Variants in HS3ST5 observed in about 807,000 individuals in gnomAD.
HS3ST5 encodes heparan sulfate glucosamine 3-O-sulfotransferase 5.
HS3ST5 carries 10 observed loss-of-function variants against 25.4 expected under a neutral mutation model. That is an observed-to-expected ratio of 0.39 (90% CI 0.24 to 0.67). HS3ST5 has a LOEUF of 0.67. Ranked by LOEUF, HS3ST5 falls within the 30% of genes least tolerant of loss-of-function variation. The pLI is 0.44. For missense variants in HS3ST5, 324 were observed against 420.7 expected (o/e 0.77, Z 2.01); for synonymous variants, 170 against 162.4 (o/e 1.05, Z -0.36).
intron 1 of HS3ST5, among the ~76,000 whole-genome samples, chr6:114,328,214 AAAGGAAGGAAAG>A (rs1343976853): frequency 2.6e-5 from 4 of 152,106 alleles, no homozygotes; most frequent in Non-Finnish European, 5.9e-5. Flanking sequence ...AGAAGTGAAA[AAAGGAAGGAAAG>A]AAGGAAAGAA....
At chr6:114,123,954 T>C (rs1320560633) in intron 3 of HS3ST5, among the ~76,000 whole-genome samples, 2 of 152,214 alleles carry the variant, frequency 1.3e-5, no homozygotes, top group East Asian at 3.8e-4. Context: ...GGATACCAGC[T>C]CTTTCACTGA....
chr6:114,334,020 G>C (rs1307847996), intron 1 of HS3ST5, among the ~76,000 whole-genome samples: 1 of 152,128 alleles, frequency 6.6e-6, no homozygotes, highest in Middle Eastern at 3.2e-3. Context: ...AGTTTCCCCA[G>C]GTCCTCCTGT....
chr6:114,099,838 C>T (rs1301264480), intron 3 of HS3ST5, among the ~76,000 whole-genome samples: 1 of 152,104 alleles, frequency 6.6e-6, no homozygotes, highest in Non-Finnish European at 1.5e-5. Context: ...GAAATCCCCA[C>T]AGATATGACC....
chr6:114,214,280 C>A (rs1318663619), intron 2 of HS3ST5, among the ~76,000 whole-genome samples: 3 of 152,176 alleles, frequency 2.0e-5, no homozygotes, highest in African/African-American at 7.2e-5. Flanking sequence ...TAACTTTTAA[C>A]TAAACATTCC....
intron 1 of HS3ST5, among the ~76,000 whole-genome samples, chr6:114,318,575 C>T (rs1361153365): frequency 6.6e-6 from 1 of 152,150 alleles, no homozygotes; most frequent in Non-Finnish European, 1.5e-5. Context: ...AATCTGTTCT[C>T]TTAAATTGCT....
At chr6:114,224,593 T>C (rs1358260014) in intron 2 of HS3ST5, among the ~76,000 whole-genome samples, 2 of 151,338 alleles carry the variant, frequency 1.3e-5, no homozygotes, top group Non-Finnish European at 3.0e-5. Context: ...TGCTTATACT[T>C]CTATAGTTTG....
At chr6:114,195,115 G>A (rs903166795) in intron 2 of HS3ST5, among the ~76,000 whole-genome samples, 1 of 152,170 alleles carries the variant, frequency 6.6e-6, no homozygotes, top group African/African-American at 2.4e-5. Flanking sequence ...AGAGTTTCAA[G>A]TCATTATTAA....
chr6:114,180,499 G>A (rs1233408684), intron 2 of HS3ST5, among the ~76,000 whole-genome samples: 1 of 152,112 alleles, frequency 6.6e-6, no homozygotes, highest in Non-Finnish European at 1.5e-5. Flanking sequence ...TACACCAGTG[G>A]TAGCTAGGGG....
intron 3 of HS3ST5, among the ~76,000 whole-genome samples, chr6:114,093,716 A>G (rs1775269905): frequency 6.6e-6 from 1 of 152,222 alleles, no homozygotes; most frequent in Middle Eastern, 3.4e-3. Context: ...TGGACAACCC[A>G]AGCTGGAACT....
At chr6:114,236,201 G>T (rs1246342361) in intron 1 of HS3ST5, among the ~76,000 whole-genome samples, 1 of 152,128 alleles carries the variant, frequency 6.6e-6, no homozygotes, top group Non-Finnish European at 1.5e-5. Flanking sequence ...CTAAAAAAGT[G>T]CTCATTAAGA....
At chr6:114,202,469 G>A (rs917717978) in intron 2 of HS3ST5, among the ~76,000 whole-genome samples, 3 of 152,144 alleles carry the variant, frequency 2.0e-5, no homozygotes, top group Non-Finnish European at 4.4e-5. Flanking sequence ...AGTGCCCAGA[G>A]AGTTCCTGTT....
At chr6:114,146,983 A>C (rs1288468043) in intron 3 of HS3ST5, among the ~76,000 whole-genome samples, 2 of 152,234 alleles carry the variant, frequency 1.3e-5, no homozygotes, top group Non-Finnish European at 2.9e-5. Context: ...TACACTGAGC[A>C]GCAGGCTTTC....
chr6:114,168,168 G>C (rs1779306047), intron 3 of HS3ST5, among the ~76,000 whole-genome samples, 183 bp downstream of exon 3: 1 of 152,176 alleles, frequency 6.6e-6, no homozygotes, highest in African/African-American at 2.4e-5. Flanking sequence ...GCAGGAAGCA[G>C]TTTAAAGTGA....
intron 2 of HS3ST5, among the ~76,000 whole-genome samples, chr6:114,200,273 C>A (rs1452805161): frequency 6.6e-6 from 1 of 152,136 alleles, no homozygotes; most frequent in East Asian, 1.9e-4. Context: ...TGGTTAAAGA[C>A]AATAAGCAAA....
Position 114,202,527 on chromosome 6 carries a change from T to C in HS3ST5, c.-145+26058A>G, listed in dbSNP as rs915850931. On this transcript the variant is annotated intron_variant, in intron 2 of 4. Transcript: ENST00000312719. ...TTTGAACAAATTAAACAAGTGGAGT[T>C]TGAAACTAGCAGCAGGTGAGACTAG... Among the ~76,000 whole-genome samples, 4 of 152,154 alleles carry C rather than the reference T, an allele frequency of 2.6e-5. No homozygotes were observed. The East Asian group carries it at 7.7e-4, about 29-fold the overall frequency.
chr6:114,328,941 G>T (rs1034215841), intron 1 of HS3ST5, among the ~76,000 whole-genome samples: 1 of 152,130 alleles, frequency 6.6e-6, no homozygotes, highest in Non-Finnish European at 1.5e-5. Flanking sequence ...TTTAGTGCAT[G>T]AGTCATAAAG....
At chr6:114,326,707 C>G (rs543618001) in intron 1 of HS3ST5, among the ~76,000 whole-genome samples, 1 of 152,086 alleles carries the variant, frequency 6.6e-6, no homozygotes, top group Admixed American at 6.5e-5. Context: ...GAAGAATCTT[C>G]TATTCAAGCA....
intron 1 of HS3ST5, among the ~76,000 whole-genome samples, chr6:114,277,214 G>GTT (rs371011694): frequency 6.9e-6 from 1 of 143,992 alleles, no homozygotes; most frequent in African/African-American, 2.5e-5. Context: ...TATTAAAGCT[G>GTT]TTTTTTTTTT....
chr6:114,218,184 G>A (rs1371713816), intron 2 of HS3ST5, among the ~76,000 whole-genome samples: 2 of 152,190 alleles, frequency 1.3e-5, no homozygotes, highest in Non-Finnish European at 1.5e-5. Context: ...TTTTAGAAGA[G>A]ACAGCGTTTC....
Sources: gnomAD v4.1 joint callset for allele counts (sites outside exome capture counted in the v4.1 genomes callset) on GRCh38, gnomAD v4.1.1 for gene constraint, MANE v1.5 for transcripts, NCBI Gene and HGNC (gene_info 2026-07-23, HGNC 2026-07-21) for gene names.